Variants in LMX1A observed in about 807,000 individuals in gnomAD.
LMX1A encodes LIM homeobox transcription factor 1-alpha.
A neutral mutation model predicts 49.1 loss-of-function variants in LMX1A; 15 were observed. The observed-to-expected ratio is 0.31, with a 90% CI of 0.20 to 0.47. The LOEUF (loss-of-function observed/expected upper bound fraction) is 0.47. Among genes scored for constraint, LMX1A ranks in the 20% least tolerant of loss-of-function variants. The pLI, the probability that LMX1A is intolerant of heterozygous loss-of-function variation, is 1.00. For missense variants in LMX1A, 372 were observed against 475.8 expected, an observed-to-expected ratio of 0.78 and a Z score of 2.03; for synonymous variants, 167 against 185.7, an observed-to-expected ratio of 0.90 and a Z score of 0.82.
At chr1:165,296,600 C>G (rs1050698771) in intron 3 of LMX1A, among the ~76,000 whole-genome samples, 2 of 152,250 alleles carry the variant, frequency 1.3e-5, no homozygotes, top group African/African-American at 2.4e-5. Context: ...CTCAGACACT[C>G]TCTTCATACC....
chr1:165,337,588 T>C (rs1405898221), intron 3 of LMX1A, among the ~76,000 whole-genome samples: 1 of 152,160 alleles, frequency 6.6e-6, no homozygotes, highest in Non-Finnish European at 1.5e-5. Context: ...AATCCAGAAG[T>C]ACCATCTTCA....
At chr1:165,351,836 TAC>T (rs1656439767) in intron 3 of LMX1A, among the ~76,000 whole-genome samples, 1 of 152,280 alleles carries the variant, frequency 6.6e-6, no homozygotes, top group Admixed American at 6.5e-5. Flanking sequence ...CTTTTTGTTA[TAC>T]AGAGACTTCT....
At chr1:165,210,850 A>G (rs966796567) in intron 5 of LMX1A, 74 bp from the exon 6 acceptor site, 4 of 1,083,508 alleles carry the variant, frequency 3.7e-6, no homozygotes, top group Non-Finnish European at 4.2e-6. Context: ...CCTATATAAT[A>G]CTTGAGGAGG....
chr1:165,280,838 C>T (rs143539577), intron 3 of LMX1A, among the ~76,000 whole-genome samples: 112 of 152,264 alleles, frequency 7.4e-4, no homozygotes, highest in Non-Finnish European at 1.4e-3. Context: ...CCACCCCCAC[C>T]GCATGGTATC....
At chr1:165,205,817 A>G in intron 8 of LMX1A, 47 bp downstream of exon 8, 2 of 1,582,574 alleles carry the variant, frequency 1.3e-6, no homozygotes, top group Non-Finnish European at 1.7e-6. Context: ...GGAATGAGAA[A>G]CCCACACAAG....
chr1:165,259,723 T>C (rs59695264), intron 3 of LMX1A, among the ~76,000 whole-genome samples: 2,154 of 152,258 alleles, frequency 0.014, 50 homozygotes, highest in African/African-American at 0.048. Flanking sequence ...AGACAGAGCC[T>C]GAGACTTAGT....
rs1650969545 is a variant in LMX1A, at chr1:165,204,167, GTC to G, written c.989-129_989-128del. On this transcript the variant is annotated intron_variant, in intron 8 of 8. Transcript: ENST00000342310. ...CTCCAGGTGAAACTTTCTACAAAAA[GTC>G]TATATTCTCTTTAGGGGGCTCAAGT... The G allele has an allele frequency of 5.1e-6, 5 of 973,974 alleles. No individual in the cohort carries two copies. The South Asian group carries it at 8.2e-5, about 16-fold the overall frequency. The allele number at this position is 973,974 out of a possible 1,614,324, so 60.3% of individuals were successfully genotyped here.
At chr1:165,349,604 T>G (rs187130244) in intron 3 of LMX1A, among the ~76,000 whole-genome samples, 55 of 149,194 alleles carry the variant, frequency 3.7e-4, no homozygotes, top group African/African-American at 1.2e-3. Context: ...TGTTCTACAC[T>G]CTCACCTTAA....
At chr1:165,307,417 T>A (rs1571213872) in intron 3 of LMX1A, among the ~76,000 whole-genome samples, 1 of 152,086 alleles carries the variant, frequency 6.6e-6, no homozygotes, top group South Asian at 2.1e-4. Flanking sequence ...AGGTGCCAGA[T>A]AGGTAGAAAA....
chr1:165,286,755 C>T (rs572766023), intron 3 of LMX1A, among the ~76,000 whole-genome samples: 45 of 146,368 alleles, frequency 3.1e-4, no homozygotes, highest in African/African-American at 1.0e-3. Flanking sequence ...TATGTTTGAC[C>T]AGGATTCAAA....
In LMX1A at chr1:165,356,400, C is replaced by G. The variant is rs1034192028; in HGVS notation, c.-68G>C. On this transcript the variant is annotated 5_prime_UTR_variant, in exon 1 of 9. Coordinates refer to ENST00000342310, the MANE Select transcript of LMX1A (RefSeq NM_177398.4). ...CAGTGACTGGAGCAGAGAGAAGTTG[C>G]GGAGCGCTGCTGGAAGCTTCTGCCC... 9.2e-5 allele frequency: 14 copies of G among 152,204 alleles called. No individual in the cohort carries two copies. The highest frequency in any genetic ancestry group is 3.4e-4 in the African/African-American group (14 of 41,448). 9.4% of individuals were successfully genotyped at this position (152,204 alleles called of 1,614,324 possible).
At chr1:165,221,909 A>ACG (rs1651861864) in intron 4 of LMX1A, among the ~76,000 whole-genome samples, 1 of 3,180 alleles carries the variant, frequency 3.1e-4, no homozygotes, top group Admixed American at 2.8e-3. Context: ...TCTCCACTCT[A>ACG]CACACACACA....
At chr1:165,287,792 T>A (rs1654339385) in intron 3 of LMX1A, among the ~76,000 whole-genome samples, 1 of 152,170 alleles carries the variant, frequency 6.6e-6, no homozygotes, top group Non-Finnish European at 1.5e-5. Context: ...ATTAAAAAAA[T>A]TAAAAACAGA....
At chr1:165,252,831 C>T (rs1653106822) in intron 3 of LMX1A, among the ~76,000 whole-genome samples, 4 of 152,338 alleles carry the variant, frequency 2.6e-5, no homozygotes, top group East Asian at 1.9e-4. Flanking sequence ...GCTAAGAAAA[C>T]ATGAACAACT....
At chr1:165,264,793 T>TA (rs924912841) in intron 3 of LMX1A, among the ~76,000 whole-genome samples, 1 of 151,618 alleles carries the variant, frequency 6.6e-6, no homozygotes, top group African/African-American at 2.4e-5. Flanking sequence ...CCCGTCTCAA[T>TA]AAAAAAATTT....
At chr1:165,323,669 C>T (rs1446502706) in intron 3 of LMX1A, among the ~76,000 whole-genome samples, 3 of 152,184 alleles carry the variant, frequency 2.0e-5, no homozygotes, top group Non-Finnish European at 4.4e-5. Context: ...AATTTACCTA[C>T]TCTAGAAAAC....
chr1:165,261,145 C>G (rs920702319), intron 3 of LMX1A, among the ~76,000 whole-genome samples: 1 of 152,158 alleles, frequency 6.6e-6, no homozygotes, highest in Non-Finnish European at 1.5e-5. Context: ...AACTATGTTG[C>G]CTTCCTTTCA....
At chr1:165,312,587 A>T (rs1382881960) in intron 3 of LMX1A, among the ~76,000 whole-genome samples, 1 of 152,134 alleles carries the variant, frequency 6.6e-6, no homozygotes, top group Non-Finnish European at 1.5e-5. Context: ...GAATCCAGCC[A>T]CTATGCTGTA....
At chr1:165,273,435 G>A (rs1317608531) in intron 3 of LMX1A, among the ~76,000 whole-genome samples, 1 of 152,106 alleles carries the variant, frequency 6.6e-6, no homozygotes, top group East Asian at 1.9e-4. Context: ...AATTCACACA[G>A]GCAACTCAAA....
Sources: gnomAD v4.1 joint callset for allele counts (sites outside exome capture counted in the v4.1 genomes callset) on GRCh38, gnomAD v4.1.1 for gene constraint, MANE v1.5 for transcripts, NCBI Gene and HGNC (gene_info 2026-07-23, HGNC 2026-07-21) for gene names.